The following TMEM117 variants were observed in gnomAD, a reference collection of about 807,000 sequenced individuals.
TMEM117 encodes the protein transmembrane protein 117.
Under a neutral mutation model 52.4 loss-of-function variants are expected in TMEM117, and 27 were observed. The observed-to-expected ratio is 0.51, with a 90% CI of 0.38 to 0.71. The LOEUF is 0.71. TMEM117 is among the 30% of genes least tolerant of loss of function. TMEM117 has a pLI of 0.00. For synonymous variants in TMEM117, 215 were observed against 206.3 expected (o/e 1.04, Z -0.36); for missense variants, 556 against 630.5 (o/e 0.88, Z 1.26).
At position 43,968,375 on chromosome 12, in the gene TMEM117, A is replaced by G. The variant is rs73085734; in HGVS notation, c.410+24033A>G. ...ACATGGCACCCAAGTGGAACTTACT[A>G]GCCTCCAAGGAGAATATCTTGCATA... On this transcript the variant is annotated intron_variant, in intron 3 of 7. Transcript: ENST00000266534. 1.1e-4 allele frequency among the ~76,000 whole-genome samples: 16 copies of G among 152,334 alleles called. No homozygotes were observed. In the East Asian group the frequency reaches 3.1e-3, roughly 29 times the overall value.
At chr12:44,224,348 A>G (rs1949830912) in intron 5 of TMEM117, among the ~76,000 whole-genome samples, 1 of 152,192 alleles carries the variant, frequency 6.6e-6, no homozygotes, top group Admixed American at 6.5e-5. Context: ...AAAATATACA[A>G]GTTCTTTAAA....
upstream of TMEM117, among the ~76,000 whole-genome samples, chr12:43,832,846 T>G (rs1389682621): frequency 6.6e-6 from 1 of 152,216 alleles, no homozygotes; most frequent in Non-Finnish European, 1.5e-5. Flanking sequence ...GGATACTCCG[T>G]GTTTAGCAGC....
At chr12:44,102,608 C>T (rs952502801) in intron 3 of TMEM117, among the ~76,000 whole-genome samples, 5 of 151,960 alleles carry the variant, frequency 3.3e-5, no homozygotes, top group South Asian at 2.1e-4. Context: ...GAGCTCCTAT[C>T]CTCCGAGCCC....
rs1945090412 is a variant in TMEM117 at position 43,944,206 on chromosome 12, TCAGGTCAGTTGCTC to T, written c.278-2_289del. On this transcript the variant is annotated splice_acceptor_variant and splice_polypyrimidine_tract_variant and coding_sequence_variant and intron_variant, in exon 3 of 8. Coordinates refer to ENST00000266534, the MANE Select transcript of TMEM117 (RefSeq NM_032256.3). LOFTEE classifies it high-confidence loss of function. Reference sequence around the variant, plus strand: ...ATTAATTTTTAATAATATTTGTATTTCAGGTCAGTTGCTCCGATTAAAAATGTTTCGAGAAGATC... The same window carrying T: ...ATTAATTTTTAATAATATTTGTATTTCGATTAAAAATGTTTCGAGAAGATC... 6.2e-7 allele frequency: 1 copy of T among 1,606,808 alleles called. No homozygotes were observed. The highest frequency in any genetic ancestry group is 8.5e-7 in the Non-Finnish European group (1 of 1,177,436).
At chr12:43,972,280 C>G (rs1267056412) in intron 3 of TMEM117, among the ~76,000 whole-genome samples, 4 of 152,202 alleles carry the variant, frequency 2.6e-5, no homozygotes, top group African/African-American at 9.7e-5. Flanking sequence ...AATCTCATCT[C>G]TTAGTGTGGG....
the TMEM117 span, chr12:43,805,497 T>C: frequency 2.2e-6 from 1 of 455,614 alleles, no homozygotes; most frequent in East Asian, 7.0e-5. Context: ...CGGGGATATA[T>C]TATTTGACTC....
chr12:44,334,244 G>T (rs558694571), intron 6 of TMEM117, among the ~76,000 whole-genome samples: 1 of 152,090 alleles, frequency 6.6e-6, no homozygotes, highest in South Asian at 2.1e-4. Flanking sequence ...ACATAAAATT[G>T]TATCTGCTGT....
chr12:43,871,248 G>A (rs34317086), intron 2 of TMEM117, among the ~76,000 whole-genome samples: 6,851 of 151,982 alleles, frequency 0.045, 243 homozygotes, highest in Non-Finnish European at 0.064. Context: ...GATTACAGGC[G>A]TGCACCACCA....
intron 3 of TMEM117, among the ~76,000 whole-genome samples, chr12:44,123,776 TG>T (rs1948276447): frequency 6.6e-6 from 1 of 152,156 alleles, no homozygotes; most frequent in South Asian, 2.1e-4. Context: ...GTTTTTGTAC[TG>T]GTACCATGCT....
intron 3 of TMEM117, among the ~76,000 whole-genome samples, chr12:44,136,278 G>A (rs1317009318): frequency 6.6e-6 from 1 of 152,108 alleles, no homozygotes; most frequent in Non-Finnish European, 1.5e-5. Flanking sequence ...GAAGATAAAT[G>A]AAGTCTCTTT....
chr12:43,944,573 A>G (rs1056061998), intron 3 of TMEM117, among the ~76,000 whole-genome samples: 2 of 151,882 alleles, frequency 1.3e-5, no homozygotes, highest in Non-Finnish European at 2.9e-5. Context: ...TAGGACTTTT[A>G]TATAGGGTGG....
intron 6 of TMEM117, among the ~76,000 whole-genome samples, chr12:44,304,900 T>C (rs1950886121): frequency 6.6e-6 from 1 of 152,204 alleles, no homozygotes; most frequent in Non-Finnish European, 1.5e-5. Context: ...GTGGTGGCCA[T>C]GGCGAGATAT....
chr12:44,310,291 C>G (rs917369189), intron 6 of TMEM117, among the ~76,000 whole-genome samples: 1 of 152,096 alleles, frequency 6.6e-6, no homozygotes, highest in African/African-American at 2.4e-5. Context: ...GTAGCCATAA[C>G]CTACAAATAG....
chr12:43,855,038 A>G (rs1943375997), intron 2 of TMEM117, among the ~76,000 whole-genome samples: 1 of 152,224 alleles, frequency 6.6e-6, no homozygotes, highest in Non-Finnish European at 1.5e-5. Flanking sequence ...CCCCATCATC[A>G]GACATGTTAA....
chr12:44,019,248 C>T (rs1262139424), intron 3 of TMEM117, among the ~76,000 whole-genome samples: 3 of 151,856 alleles, frequency 2.0e-5, no homozygotes, highest in Admixed American at 2.0e-4. Context: ...ACACAAAATC[C>T]TGAGACAAAG....
chr12:44,370,772 C>T (rs1403695153), intron 6 of TMEM117, among the ~76,000 whole-genome samples: 1 of 152,070 alleles, frequency 6.6e-6, no homozygotes, highest in Admixed American at 6.6e-5. Flanking sequence ...CCCGCCTTGG[C>T]CTCCCAAAGT....
intron 4 of TMEM117, among the ~76,000 whole-genome samples, chr12:44,204,336 A>T (rs1949536353): frequency 6.6e-6 from 1 of 152,222 alleles, no homozygotes; most frequent in African/African-American, 2.4e-5. Flanking sequence ...AAAGAAAAAA[A>T]TACATAGGAA....
chr12:44,244,889 C>T (rs759058418), intron 5 of TMEM117, among the ~76,000 whole-genome samples: 15 of 151,932 alleles, frequency 9.9e-5, no homozygotes, highest in Non-Finnish European at 2.1e-4. Context: ...AGATAAGGGT[C>T]CAATTTTATT....
chr12:43,944,181 A>T, intron 2 of TMEM117, 29 bp from the exon 3 acceptor site: 1 of 1,589,382 alleles, frequency 6.3e-7, no homozygotes, highest in Non-Finnish European at 8.6e-7. Context: ...TACAGTGTAC[A>T]TTAATTTTTA....
Sources: allele counts gnomAD v4.1 joint callset (sites outside exome capture counted in the v4.1 genomes callset), GRCh38; gene constraint gnomAD v4.1.1; transcripts MANE v1.5; gene names NCBI Gene and HGNC (gene_info 2026-07-23, HGNC 2026-07-21).